The following ZBTB16 variants were observed in gnomAD, a reference collection of about 807,000 sequenced individuals.
ZBTB16 encodes the protein zinc finger and BTB domain-containing protein 16.
ZBTB16 carries 8 observed loss-of-function variants against 56.8 expected under a neutral mutation model. That is an observed-to-expected ratio of 0.14 (90% CI 0.08 to 0.25). The LOEUF is 0.25. ZBTB16 is among the 10% of genes least tolerant of loss of function. ZBTB16 has a pLI of 1.00. For missense variants in ZBTB16, 625 were observed against 903.0 expected, an observed-to-expected ratio of 0.69 and a Z score of 3.95; for synonymous variants, 363 against 368.5, an observed-to-expected ratio of 0.98 and a Z score of 0.17.
chr11:114,092,276 G>C (rs1940220347), intron 2 of ZBTB16, among the ~76,000 whole-genome samples: 1 of 152,226 alleles, frequency 6.6e-6, no homozygotes. Context: ...GTCATTGGCA[G>C]TTTGGCTTAG....
chr11:114,159,249 T>C (rs1325484670), intron 3 of ZBTB16, among the ~76,000 whole-genome samples: 1 of 152,208 alleles, frequency 6.6e-6, no homozygotes, highest in African/African-American at 2.4e-5. Context: ...TGATCTCATA[T>C]GGCTGCTCCA....
At position 114,187,645 on chromosome 11, in the gene ZBTB16, C is replaced by T. The variant is rs192370124; in HGVS notation, c.1453+607C>T. On this transcript the variant is annotated intron_variant, in intron 4 of 6. Coordinates refer to ENST00000335953, the MANE Select transcript of ZBTB16 (RefSeq NM_006006.6). ...CTCACACTTAACACTCACAGTGAGGCAGGCACTGTTCTCAGTGCTTTATGT... is the reference window on the plus strand; with the variant it reads ...CTCACACTTAACACTCACAGTGAGGTAGGCACTGTTCTCAGTGCTTTATGT... The T allele has an allele frequency of 1.5e-4, 24 of 161,398 alleles. No individual in the cohort carries two copies. The East Asian group carries it at 4.3e-3, about 29-fold the overall frequency. The allele number at this position is 161,398 out of a possible 1,614,324, so 10.0% of individuals were successfully genotyped here. A position where few individuals can be genotyped will look rare whatever the true frequency, so the allele number is the denominator to read the frequency against.
At chr11:114,119,301 G>A (rs74953576) in intron 2 of ZBTB16, among the ~76,000 whole-genome samples, 11,331 of 148,686 alleles carry the variant, frequency 0.076, 653 homozygotes, top group East Asian at 0.14. Context: ...AAGAATTTAG[G>A]GGGCGTTGTT....
intron 4 of ZBTB16, among the ~76,000 whole-genome samples, chr11:114,233,179 T>A (rs1406065172): frequency 1.3e-5 from 2 of 150,848 alleles, no homozygotes; most frequent in Non-Finnish European, 2.9e-5. Flanking sequence ...CTTGGAGAAG[T>A]TTTAATTCAT....
chr11:114,124,788 C>T (rs1941457244), intron 2 of ZBTB16, among the ~76,000 whole-genome samples: 1 of 152,338 alleles, frequency 6.6e-6, no homozygotes, highest in South Asian at 2.1e-4. Flanking sequence ...TCCAGCCTCT[C>T]ACTTGCTCTC....
At chr11:114,245,899 G>T (rs1391897721) in intron 5 of ZBTB16, among the ~76,000 whole-genome samples, 1 of 152,106 alleles carries the variant, frequency 6.6e-6, no homozygotes, top group South Asian at 2.1e-4. Context: ...GTGACAAGAC[G>T]AATCAGCGAT....
At chr11:114,101,053 T>G (rs1047817885) in intron 2 of ZBTB16, among the ~76,000 whole-genome samples, 3 of 152,066 alleles carry the variant, frequency 2.0e-5, no homozygotes, top group Non-Finnish European at 4.4e-5. Context: ...CAGGCTGGAG[T>G]GCAGTGGCAT....
rs766003956 is a variant in ZBTB16, at chr11:114,143,518, T to C, written c.1269-12819T>C. Among the ~76,000 whole-genome samples, 10 of 152,122 alleles carry C rather than the reference T, an allele frequency of 6.6e-5. No homozygotes were observed. Among genetic ancestry groups the C allele is most frequent in the Non-Finnish European group, 1.2e-4 (8 of 68,028 alleles). On this transcript the variant is annotated intron_variant, in intron 2 of 6. Coordinates refer to ENST00000335953, the MANE Select transcript of ZBTB16 (RefSeq NM_006006.6). This position sits in a 1 kb window ranked among gnomAD's most constrained non-coding sequence, Gnocchi z 6.4. ...CCTCTTGCCTAGTGAAATGTCCTTT[T>C]GGAAGTATCAGGTTCCTGCAGGGAG... is the stretch of plus-strand genomic sequence containing the variant.
At chr11:114,215,389 G>T (rs191559525) in intron 4 of ZBTB16, among the ~76,000 whole-genome samples, 278 of 152,254 alleles carry the variant, frequency 1.8e-3, no homozygotes, top group Non-Finnish European at 3.1e-3. Flanking sequence ...ATTGAGATGG[G>T]TTACCTTCCC....
At chr11:114,221,039 G>T (rs1466702832) in intron 4 of ZBTB16, among the ~76,000 whole-genome samples, 1 of 152,180 alleles carries the variant, frequency 6.6e-6, no homozygotes, top group Admixed American at 6.5e-5. Context: ...TGGTTTTTCT[G>T]GCATGATGGC....
At chr11:114,122,495 G>C (rs1941373947) in intron 2 of ZBTB16, among the ~76,000 whole-genome samples, 1 of 152,140 alleles carries the variant, frequency 6.6e-6, no homozygotes, top group Non-Finnish European at 1.5e-5. Context: ...ACCAATTTAT[G>C]CCAGCCTAAG....
Position 114,147,303 on chromosome 11 carries a change from A to G in ZBTB16, c.1269-9034A>G, listed in dbSNP as rs754494938. On this transcript the variant is annotated intron_variant, in intron 2 of 6. Transcript: ENST00000335953. ...CTCCCTGGCTAGAGTGGAAACATAT[A>G]AAAATGATCCTGGATAACCAGGAGA... is the stretch of plus-strand genomic sequence containing the variant. Among the ~76,000 whole-genome samples the G allele has an allele frequency of 2.6e-5, 4 of 152,200 alleles. No individual in the cohort carries two copies. The South Asian group carries it at 8.3e-4, about 32-fold the overall frequency.
chr11:114,061,102 A>T lies in ZBTB16; in HGVS notation c.-91+1220A>T, dbSNP rs539021247. The stretch of plus-strand genomic sequence containing the variant: ...CTCCTCGGGAAAAGTTGCTTCCCCA[A>T]GTTTGCTGAAGTCGTCTCCAAGTCT... On this transcript the variant is annotated intron_variant, in intron 1 of 6. Transcript: ENST00000335953. 2.0e-5 allele frequency among the ~76,000 whole-genome samples: 3 copies of T among 149,140 alleles called. No homozygotes were observed. The East Asian group carries it at 6.0e-4, about 30-fold the overall frequency.
chr11:114,163,499 C>T (rs1398418707), intron 3 of ZBTB16, among the ~76,000 whole-genome samples: 1 of 152,024 alleles, frequency 6.6e-6, no homozygotes, highest in Non-Finnish European at 1.5e-5. Flanking sequence ...GCGATGCTGG[C>T]CCCAGGGCAG....
chr11:114,120,539 C>T (rs958246331), intron 2 of ZBTB16, among the ~76,000 whole-genome samples: 1 of 152,144 alleles, frequency 6.6e-6, no homozygotes, highest in African/African-American at 2.4e-5. Context: ...CTCCTTAGAT[C>T]ACTATCGTGT....
Position 114,249,185 on chromosome 11 carries a change from G to A in ZBTB16, c.1793-1141G>A, listed in dbSNP as rs181422849. On this transcript the variant is annotated intron_variant, in intron 6 of 6. Coordinates refer to ENST00000335953, the MANE Select transcript of ZBTB16 (RefSeq NM_006006.6). Reference sequence around the variant, plus strand: ...GCGGTTTTAGCAGGATAGGCCGGGTGGGGGAGCTCATGCCTATAATCCCAG... The same window carrying A: ...GCGGTTTTAGCAGGATAGGCCGGGTAGGGGAGCTCATGCCTATAATCCCAG... 3.3e-3 allele frequency among the ~76,000 whole-genome samples: 501 copies of A among 152,068 alleles called. 9 individuals carry two copies. Among genetic ancestry groups the A allele is most frequent in the Admixed American group, 0.026 (402 of 15,286 alleles).
At chr11:114,247,077 T>G in intron 5 of ZBTB16, 121 bp from the exon 6 acceptor site, 1 of 1,311,540 alleles carries the variant, frequency 7.6e-7, no homozygotes, top group Non-Finnish European at 1.1e-6. Context: ...ATCCTTAAGT[T>G]GTCTTTGGAG....
chr11:114,201,364 T>C (rs1337761810), intron 4 of ZBTB16, among the ~76,000 whole-genome samples: 1 of 152,094 alleles, frequency 6.6e-6, no homozygotes, highest in Non-Finnish European at 1.5e-5. Flanking sequence ...AGGAGGTACG[T>C]GCCACCAAGC....
At position 114,070,914 on chromosome 11, in the gene ZBTB16, G is replaced by C. The variant is rs1939322539; in HGVS notation, c.1268+6346G>C. ...GCTCCTGGAAATCTGGTCTTTTGGA[G>C]AGAGGTTGTTGGTTGTGAAGATAGG... On this transcript the variant is annotated intron_variant, in intron 2 of 6. Transcript: ENST00000335953. 2.0e-5 allele frequency among the ~76,000 whole-genome samples: 3 copies of C among 152,302 alleles called. No individual in the cohort carries two copies. The South Asian group carries it at 6.2e-4, about 32-fold the overall frequency.
Sources: gnomAD v4.1 joint callset for allele counts (sites outside exome capture counted in the v4.1 genomes callset) on GRCh38, gnomAD v4.1.1 for gene constraint, Gnocchi (gnomAD v3.1) non-coding constraint, MANE v1.5 for transcripts, NCBI Gene and HGNC (gene_info 2026-07-23, HGNC 2026-07-21) for gene names.